The following FER1L5 variants were observed in gnomAD, a reference collection of about 807,000 sequenced individuals.
FER1L5 encodes the protein fer-1-like protein 5.
Under a neutral mutation model 279.9 loss-of-function variants are expected in FER1L5, and 187 were observed. That is an observed-to-expected ratio of 0.67 (90% confidence interval 0.59 to 0.75). The LOEUF (loss-of-function observed/expected upper bound fraction) is 0.75. Among genes scored for constraint, FER1L5 ranks in the 30% least tolerant of loss-of-function variants. FER1L5 has a pLI of 0.00. For synonymous variants in FER1L5, 921 were observed against 989.7 expected (o/e 0.93, Z 1.30); for missense variants, 2,091 against 2,594.4 (o/e 0.81, Z 4.21).
intron 23 of FER1L5, chr2:96,687,589 G>A: frequency 1.7e-6 from 1 of 583,720 alleles, no homozygotes; most frequent in South Asian, 2.1e-5. Flanking sequence ...CCCTCTGTGA[G>A]GCACTCCCAC....
At chr2:96,703,502 C>G in intron 50 of FER1L5, 21 bp from the exon 51 acceptor site, 2 of 1,613,616 alleles carry the variant, frequency 1.2e-6, no homozygotes, top group East Asian at 2.2e-5. Context: ...TCAGCCTCCC[C>G]CTCACCCATG....
At chr2:96,666,658 T>A (rs980221510) in intron 14 of FER1L5, among the ~76,000 whole-genome samples, 2 of 151,510 alleles carry the variant, frequency 1.3e-5, no homozygotes, top group African/African-American at 2.4e-5. Context: ...TTTATTTATT[T>A]ATTTTTTTTT....
rs750588257 is a variant in FER1L5 at position 96,686,366 on chromosome 2, T to C, written c.2229+16T>C. 1 of 1,546,154 alleles carries C rather than the reference T, an allele frequency of 6.5e-7. No individual in the cohort carries two copies. The highest frequency in any genetic ancestry group is 8.7e-7 in the Non-Finnish European group (1 of 1,143,528). On this transcript the variant is annotated intron_variant, in intron 23 of 52. Transcript: ENST00000624922. ...CTTCCTACAGGTGGGAATCAGGGAC[T>C]CCTCAGGGGAGGACAGGGCTGAGAA... is the stretch of plus-strand genomic sequence containing the variant.
chr2:96,694,042 G>A lies in FER1L5; in HGVS notation c.3606G>A (p.Leu1202=), dbSNP rs1480065669. Residue 1202 remains leucine, a synonymous_variant, in exon 33 of 53, where the codon TTG becomes TTA. Transcript: ENST00000624922. The surrounding 1 kb of genome is among the most constrained non-coding windows in gnomAD (Gnocchi z 4.6). ...KELGKEEGEI[L]ASCELILQTE... Reference sequence around the variant, plus strand: ...TGGGGAAGGAAGAGGGCGAGATCTTGGCATCCTGTGAGCTGATCCTCCAGA... The same window carrying A: ...TGGGGAAGGAAGAGGGCGAGATCTTAGCATCCTGTGAGCTGATCCTCCAGA... 2 of 1,546,060 alleles carry A rather than the reference G, an allele frequency of 1.3e-6. No homozygotes were observed. Among genetic ancestry groups the A allele is most frequent in the Non-Finnish European group, 1.7e-6 (2 of 1,146,954 alleles).
At chr2:96,656,362 A>G (rs2075599864) in intron 9 of FER1L5, among the ~76,000 whole-genome samples, 1 of 152,202 alleles carries the variant, frequency 6.6e-6, no homozygotes, top group Admixed American at 6.5e-5. Context: ...CCAGGCTGGG[A>G]ACGGTGGCTC....
Position 96,704,513 on chromosome 2 carries a change from C to G in FER1L5, c.5995C>G (p.Pro1999Ala), listed in dbSNP as rs760436397. ...SWIKPQLQLY[P>A]PIKIFNIINS... ...GATCAAACCTCAACTTCAGCTGTATCCTCCCATTAAAATATTCAATATCAT... is the reference window on the plus strand; with the variant it reads ...GATCAAACCTCAACTTCAGCTGTATGCTCCCATTAAAATATTCAATATCAT... The change falls in exon 53 of 53, where the codon CCT becomes GCT. Residue 1999 changes from proline to alanine, a missense_variant. Physicochemically the swap from Pro to Ala is conservative, Grantham distance 27 (BLOSUM62 -1). Coordinates refer to ENST00000624922, the MANE Select transcript of FER1L5 (RefSeq NM_001293083.2). 6.2e-7 allele frequency: 1 copy of G among 1,613,886 alleles called. No homozygotes were observed. Among genetic ancestry groups the G allele is most frequent in the Non-Finnish European group, 8.5e-7 (1 of 1,179,882 alleles).
intron 27 of FER1L5, 135 bp downstream of exon 27, chr2:96,690,724 C>A (rs1345020699): frequency 2.7e-6 from 2 of 734,622 alleles, no homozygotes; most frequent in East Asian, 2.7e-5. Context: ...GCCTCCAGAG[C>A]TGGGTCTCCA....
At chr2:96,677,134 G>A (rs1180216857) in intron 19 of FER1L5, among the ~76,000 whole-genome samples, 1 of 152,236 alleles carries the variant, frequency 6.6e-6, no homozygotes, top group Non-Finnish European at 1.5e-5. Context: ...GGGCCACGAT[G>A]CCCGTCCTAT....
Position 96,699,748 on chromosome 2 carries a change from G to A in FER1L5, c.4781+28G>A, listed in dbSNP as rs531480033. Reference sequence around the variant, plus strand: ...GAGAGTGGGCCCGTCTGGGGGAAGGGAGTCAGGTGGGGTGGAAGAGTGAGC... The same window carrying A: ...GAGAGTGGGCCCGTCTGGGGGAAGGAAGTCAGGTGGGGTGGAAGAGTGAGC... On this transcript the variant is annotated intron_variant, in intron 43 of 52. Transcript: ENST00000624922. The A allele has an allele frequency of 4.0e-5, 64 of 1,611,980 alleles. No individual in the cohort carries two copies. The Middle Eastern group carries it at 1.0e-3, about 25-fold the overall frequency.
chr2:96,694,174 T>G lies in FER1L5; in HGVS notation c.3636+102T>G, dbSNP rs565547721. The G allele has an allele frequency of 1.5e-3, 2,188 of 1,435,790 alleles. 6 individuals carry two copies. The highest frequency in any genetic ancestry group is 1.9e-3 in the Non-Finnish European group (2,034 of 1,085,878). 88.9% of individuals were successfully genotyped at this position (1,435,790 alleles called of 1,614,324 possible). On this transcript the variant is annotated intron_variant, in intron 33 of 52. Coordinates refer to ENST00000624922, the MANE Select transcript of FER1L5 (RefSeq NM_001293083.2). This position sits in a 1 kb window ranked among gnomAD's most constrained non-coding sequence, Gnocchi z 4.6. Reference sequence around the variant, plus strand: ...CAACTCCACCCTGTCAGGAAATGCCTGGGGCCCAGGATCCCGAGCTGTGGG... The same window carrying G: ...CAACTCCACCCTGTCAGGAAATGCCGGGGGCCCAGGATCCCGAGCTGTGGG...
chr2:96,688,882 T>C, intron 24 of FER1L5: 1 of 242,024 alleles, frequency 4.1e-6, no homozygotes, highest in Non-Finnish European at 8.0e-6. Flanking sequence ...TCAACCACAC[T>C]CTCCCTGCTG....
intron 19 of FER1L5, among the ~76,000 whole-genome samples, chr2:96,680,244 G>A (rs528707796): frequency 1.1e-4 from 16 of 152,002 alleles, no homozygotes; most frequent in African/African-American, 3.9e-4. Flanking sequence ...GAGGAAAATT[G>A]CTGTTGTGTA....
rs1215871555 is a variant in FER1L5, at chr2:96,691,880, G to A, written c.3131G>A (p.Trp1044Ter). 1 of 1,551,526 alleles carries A rather than the reference G, an allele frequency of 6.4e-7. No homozygotes were observed. Among genetic ancestry groups the A allele is most frequent in the Admixed American group, 2.0e-5 (1 of 51,004 alleles). The part of the protein sequence containing the change: ...GKEEDSKTWP[W>*]GLDRQFRDPQ... ...GAAGAGGACAGCAAGACATGGCCAT[G>A]GGGTCTGGACAGACAGTTCAGGGAC... The change falls in exon 30 of 53, where the codon TGG becomes TAG. Residue 1044 changes from tryptophan (W) to a stop codon, truncating the protein, a stop_gained. Transcript: ENST00000624922. LOFTEE classifies it high-confidence loss of function. This position sits in a 1 kb window ranked among gnomAD's most constrained non-coding sequence, Gnocchi z 6.0.
Position 96,702,544 on chromosome 2 carries a change from A to G in FER1L5, c.5256-56A>G. 7 of 1,551,650 alleles carry G rather than the reference A, an allele frequency of 4.5e-6. No homozygotes were observed. The highest frequency in any genetic ancestry group is 6.1e-6 in the Non-Finnish European group (7 of 1,147,060). ...TGGGCAGCCCTTCCCATGGGGCTCC[A>G]GCTGGGGGATGGGGCCAATGCACAT... On this transcript the variant is annotated intron_variant, in intron 47 of 52. Coordinates refer to ENST00000624922, the MANE Select transcript of FER1L5 (RefSeq NM_001293083.2). This position sits in a 1 kb window ranked among gnomAD's most constrained non-coding sequence, Gnocchi z 4.0.
chr2:96,700,167 G>T, intron 44 of FER1L5, 87 bp downstream of exon 44: 1 of 1,568,692 alleles, frequency 6.4e-7, no homozygotes, highest in East Asian at 2.3e-5. Context: ...GCAGACTTGG[G>T]GGAGAAAGGG....
Position 96,698,687 on chromosome 2 carries a change from A to T in FER1L5, c.4373A>T (p.Tyr1458Phe), listed in dbSNP as rs1424613886. The T allele has an allele frequency of 4.4e-6, 7 of 1,586,042 alleles. No individual in the cohort carries two copies. The South Asian group carries it at 6.9e-5, about 16-fold the overall frequency. Residue 1458 changes from tyrosine (Y) to phenylalanine (F), a missense_variant, in exon 41 of 53, where the codon TAC becomes TTC. Physicochemically the swap from Tyr to Phe is conservative, Grantham distance 22. Coordinates refer to ENST00000624922, the MANE Select transcript of FER1L5 (RefSeq NM_001293083.2). The surrounding 1 kb of genome is among the most constrained non-coding windows in gnomAD (Gnocchi z 5.5). The stretch of plus-strand genomic sequence containing the variant: ...CCCCGCCAGGGCCTTTTCCGCATCT[A>T]CCCCTTTCCTGAGAATCCAGAAGCC... ...VGEFKGLFRI[Y>F]PFPENPEAPK...
At chr2:96,673,323 C>T in intron 19 of FER1L5, 69 bp downstream of exon 19, 1 of 1,418,170 alleles carries the variant, frequency 7.1e-7, no homozygotes, top group Non-Finnish European at 9.6e-7. Context: ...TAGGCTCTCT[C>T]AGGGGTATTA....
chr2:96,680,812 C>T (rs1301280832), intron 19 of FER1L5, among the ~76,000 whole-genome samples: 4 of 152,138 alleles, frequency 2.6e-5, no homozygotes, highest in Admixed American at 6.5e-5. Flanking sequence ...CTCCAGAGGC[C>T]CCTGTGCCCA....
rs761314623 is a variant in FER1L5, at chr2:96,697,506, C to T, written c.4084-20C>T. 12 of 1,611,602 alleles carry T rather than the reference C, an allele frequency of 7.4e-6. No homozygotes were observed. The South Asian group carries it at 1.3e-4, about 18-fold the overall frequency. On this transcript the variant is annotated intron_variant, in intron 37 of 52. Coordinates refer to ENST00000624922, the MANE Select transcript of FER1L5 (RefSeq NM_001293083.2). ...ATGAGTGAGCTATGGCTTTCCCTTG[C>T]TCACCCTCTCCTTTTTCAGTTCCTA...
Sources: gnomAD v4.1 joint callset for allele counts (sites outside exome capture counted in the v4.1 genomes callset) on GRCh38, gnomAD v4.1.1 for gene constraint, Gnocchi (gnomAD v3.1) non-coding constraint, MANE v1.5 for transcripts, NCBI Gene and HGNC (gene_info 2026-07-23, HGNC 2026-07-21) for gene names.